GOLIM4: variants seen among roughly 807,000 people sequenced by gnomAD.
GOLIM4 encodes golgi integral membrane protein 4.
A neutral mutation model predicts 107.4 loss-of-function variants in GOLIM4; 71 were observed. That is an observed-to-expected ratio of 0.66 (90% CI 0.55 to 0.81). GOLIM4 has a LOEUF of 0.81. Among genes scored for constraint, GOLIM4 ranks in the 30% least tolerant of loss-of-function variants. GOLIM4 has a pLI of 0.00. For synonymous variants in GOLIM4, 327 were observed against 294.8 expected (o/e 1.11, Z -1.12); for missense variants, 830 against 826.1 (o/e 1.00, Z -0.06).
intron 3 of GOLIM4, among the ~76,000 whole-genome samples, chr3:168,046,264 G>A (rs1022471662): frequency 2.6e-5 from 4 of 151,934 alleles, no homozygotes; most frequent in Non-Finnish European, 4.4e-5. Context: ...CTTTTATCCA[G>A]TTAATTTGGA....
At chr3:168,010,476 ATT>A (rs1449346044) in intron 15 of GOLIM4, 58 bp from the exon 16 acceptor site, 3 of 1,179,366 alleles carry the variant, frequency 2.5e-6, no homozygotes, top group South Asian at 2.7e-5. Context: ...GTGATAAATA[ATT>A]CTCTCTAAAA....
intron 1 of GOLIM4, among the ~76,000 whole-genome samples, chr3:168,055,507 G>A (rs1202079011): frequency 2.6e-5 from 4 of 152,106 alleles, no homozygotes; most frequent in Non-Finnish European, 5.9e-5. Flanking sequence ...GCATTCAAGA[G>A]GTGACTCAGG....
intron 1 of GOLIM4, among the ~76,000 whole-genome samples, chr3:168,092,246 C>T (rs1380849322): frequency 6.6e-6 from 1 of 152,158 alleles, no homozygotes; most frequent in African/African-American, 2.4e-5. Flanking sequence ...CTGTCCCACT[C>T]CTCAGTATAA....
At chr3:168,041,988 A>G (rs531999987) in intron 5 of GOLIM4, among the ~76,000 whole-genome samples, 1 of 152,306 alleles carries the variant, frequency 6.6e-6, no homozygotes, top group East Asian at 1.9e-4. Context: ...TTTTGTTGTA[A>G]CTTACTTTTT....
At chr3:168,074,374 T>C (rs57266516) in intron 1 of GOLIM4, among the ~76,000 whole-genome samples, 32,650 of 152,128 alleles carry the variant, frequency 0.21, 3,719 homozygotes, top group African/African-American at 0.27. Context: ...GGAAAAAGCC[T>C]TTCTAAATAG....
At chr3:168,016,850 C>T (rs1255538930) in intron 14 of GOLIM4, among the ~76,000 whole-genome samples, 1 of 140,588 alleles carries the variant, frequency 7.1e-6, no homozygotes, top group Admixed American at 6.8e-5. Context: ...AATGAGATCA[C>T]ATGGACACAG....
chr3:168,085,833 T>A (rs1325719685), intron 1 of GOLIM4, among the ~76,000 whole-genome samples: 5 of 152,134 alleles, frequency 3.3e-5, no homozygotes, highest in East Asian at 1.9e-4. Flanking sequence ...GCCTTTTTTT[T>A]AAACAGGAAT....
chr3:168,043,469 C>T lies in GOLIM4; in HGVS notation c.427G>A (p.Gly143Arg), dbSNP rs748558370. The T allele has an allele frequency of 1.2e-6, 2 of 1,613,326 alleles. No homozygotes were observed. Among genetic ancestry groups the T allele is most frequent in the African/African-American group, 1.3e-5 (1 of 74,898 alleles). ...TTAAATGTTCTACTGAAGTCTTCCC[C>T]TTGTTTGCGATGTTCCTCTTCCAAG... The part of the protein sequence containing the change: ...SDLEEEHRKQ[G>R]EDFSRTFNDH... The change falls in exon 5 of 16, where the codon GGG becomes AGG. Residue 143 changes from glycine to arginine, a missense_variant. By Grantham distance (125) the Gly-to-Arg change is moderately radical. Coordinates refer to ENST00000470487, the MANE Select transcript of GOLIM4 (RefSeq NM_014498.5).
chr3:168,030,872 A>C (rs997606349), intron 9 of GOLIM4, among the ~76,000 whole-genome samples: 3 of 152,190 alleles, frequency 2.0e-5, no homozygotes, highest in Admixed American at 1.3e-4. Flanking sequence ...ACATATCCAA[A>C]AGAAAGGAAA....
rs572703814 is a variant in GOLIM4, at chr3:168,058,093, G to GA, written c.188-9729dup. Among the ~76,000 whole-genome samples the GA allele has an allele frequency of 7.3e-3, 1,104 of 151,872 alleles. 7 individuals carry two copies. The highest frequency in any genetic ancestry group is 8.4e-3 in the Non-Finnish European group (572 of 67,892). On this transcript the variant is annotated intron_variant, in intron 1 of 15. Transcript: ENST00000470487. ...AATACGGACACTTTCAGAATGCTGAGAAAAAAAAGAACATTCAGATTAACT... is the reference window on the plus strand; with the variant it reads ...AATACGGACACTTTCAGAATGCTGAGAAAAAAAAAGAACATTCAGATTAACT...
chr3:168,032,989 T>C (rs959655634), intron 8 of GOLIM4, 137 bp from the exon 9 acceptor site: 16 of 657,004 alleles, frequency 2.4e-5, no homozygotes, highest in Non-Finnish European at 3.1e-5. Flanking sequence ...CCTGGCTTTA[T>C]GGCTGCAATG....
chr3:168,075,701 T>C (rs1316879187), intron 1 of GOLIM4, among the ~76,000 whole-genome samples: 2 of 152,174 alleles, frequency 1.3e-5, no homozygotes, highest in African/African-American at 4.8e-5. Flanking sequence ...AAAACACACC[T>C]GCTTTTCTCA....
intron 1 of GOLIM4, among the ~76,000 whole-genome samples, chr3:168,051,802 G>A (rs184925783): frequency 6.6e-6 from 1 of 152,306 alleles, no homozygotes; most frequent in Admixed American, 6.5e-5. Context: ...CGAGGAGGAG[G>A]AGGGTGAAAG....
chr3:168,079,273 T>G (rs1366897281), intron 1 of GOLIM4, among the ~76,000 whole-genome samples: 2 of 152,212 alleles, frequency 1.3e-5, no homozygotes, highest in South Asian at 4.1e-4. Flanking sequence ...CAACTACATG[T>G]AACAGTCTGG....
chr3:168,059,693 G>A (rs1250509748), intron 1 of GOLIM4, among the ~76,000 whole-genome samples: 1 of 152,212 alleles, frequency 6.6e-6, no homozygotes, highest in Non-Finnish European at 1.5e-5. Context: ...TATGCTAGCA[G>A]GTAATTATTG....
intron 1 of GOLIM4, among the ~76,000 whole-genome samples, chr3:168,048,706 A>C (rs1719454371): frequency 6.6e-6 from 1 of 152,098 alleles, no homozygotes; most frequent in Non-Finnish European, 1.5e-5. Flanking sequence ...CAATCTCCTG[A>C]CTTTTAACCA....
At chr3:168,013,471 G>C (rs983198989) in intron 14 of GOLIM4, among the ~76,000 whole-genome samples, 4 of 147,976 alleles carry the variant, frequency 2.7e-5, no homozygotes, top group African/African-American at 1.1e-4. Flanking sequence ...GTCAACATTA[G>C]ACAGATCAAC....
chr3:168,055,646 A>G (rs1719911520), intron 1 of GOLIM4, among the ~76,000 whole-genome samples: 1 of 152,058 alleles, frequency 6.6e-6, no homozygotes, highest in Admixed American at 6.5e-5. Flanking sequence ...AAAATACAAA[A>G]AAAACATTAG....
chr3:168,063,564 C>T (rs1333025884), intron 1 of GOLIM4, among the ~76,000 whole-genome samples: 1 of 152,120 alleles, frequency 6.6e-6, no homozygotes, highest in Non-Finnish European at 1.5e-5. Context: ...AGATATTGGG[C>T]ATTGCCTGAT....
Sources: gnomAD v4.1 joint callset for allele counts (sites outside exome capture counted in the v4.1 genomes callset) on GRCh38, gnomAD v4.1.1 for gene constraint, MANE v1.5 for transcripts, NCBI Gene and HGNC (gene_info 2026-07-23, HGNC 2026-07-21) for gene names.